The following WDR27 variants were observed in gnomAD, a reference collection of about 807,000 sequenced individuals.
WDR27 encodes WD repeat-containing protein 27.
A neutral mutation model predicts 114.4 loss-of-function variants in WDR27; 100 were observed. The ratio of observed to expected loss-of-function variants is 0.87; its 90% CI spans 0.74 to 1.03. The LOEUF (loss-of-function observed/expected upper bound fraction) is 1.03, where lower values mean the gene tolerates loss of function less well. WDR27 is among the 50% of genes least tolerant of loss of function. WDR27 has a pLI of 0.00. For missense variants in WDR27, 1,129 were observed against 1,092.9 expected, an observed-to-expected ratio of 1.03 and a Z score of -0.47; for synonymous variants, 449 against 423.1, an observed-to-expected ratio of 1.06 and a Z score of -0.75.
chr6:169,607,340 G>A lies in WDR27; in HGVS notation c.2322-5019C>T, dbSNP rs116596668. Among the ~76,000 whole-genome samples the A allele has an allele frequency of 4.5e-3, 688 of 151,806 alleles. 8 individuals are homozygous for A. Among genetic ancestry groups the A allele is most frequent in the African/African-American group, 0.016 (653 of 41,316 alleles). ...TACCAAAGACATGGAATCAATCTAA[G>A]TGCCCATTAACAGGCGACTGAATAA... On this transcript the variant is annotated intron_variant, in intron 22 of 25. Transcript: ENST00000448612.
intron 25 of WDR27, among the ~76,000 whole-genome samples, chr6:169,519,880 T>A (rs1262838876): frequency 1.3e-5 from 2 of 152,028 alleles, no homozygotes; most frequent in Non-Finnish European, 2.9e-5. Flanking sequence ...TTTTCCCCCA[T>A]CTTCTTGACA....
At chr6:169,614,318 T>G (rs1306815767) in intron 21 of WDR27, among the ~76,000 whole-genome samples, 4 of 152,192 alleles carry the variant, frequency 2.6e-5, no homozygotes, top group African/African-American at 9.7e-5. Context: ...TCATGAAGGA[T>G]AGATGTGCCT....
intron 16 of WDR27, among the ~76,000 whole-genome samples, chr6:169,646,107 T>G (rs1192177826): frequency 1.3e-5 from 2 of 152,220 alleles, no homozygotes; most frequent in African/African-American, 4.8e-5. Context: ...GTTAACCTGG[T>G]TCTAAAACAC....
chr6:169,593,856 C>A (rs1413936981), intron 23 of WDR27, among the ~76,000 whole-genome samples: 2 of 61,778 alleles, frequency 3.2e-5, no homozygotes, highest in Admixed American at 1.8e-4. Context: ...CTCAAAAAAA[C>A]AAACAAACAA....
chr6:169,642,253 A>C (rs1490841373), intron 17 of WDR27, among the ~76,000 whole-genome samples: 1 of 152,208 alleles, frequency 6.6e-6, no homozygotes, highest in African/African-American at 2.4e-5. Context: ...TTACACACCC[A>C]AAGTGAAACG....
intron 23 of WDR27, among the ~76,000 whole-genome samples, chr6:169,590,852 G>A (rs1423039358): frequency 4.6e-5 from 7 of 152,200 alleles, no homozygotes; most frequent in South Asian, 4.1e-4. Context: ...ATGCCATTCT[G>A]TGTCTACGCT....
At chr6:169,449,640 C>T in the WDR27 span, among the ~76,000 whole-genome samples, 1 of 152,204 alleles carries the variant, frequency 6.6e-6, no homozygotes, top group Non-Finnish European at 1.5e-5. Context: ...TTTGGCCACC[C>T]TCTTAGTGTC....
intron 19 of WDR27, among the ~76,000 whole-genome samples, chr6:169,635,384 A>G (rs1021920427): frequency 5.3e-5 from 8 of 152,310 alleles, no homozygotes; most frequent in African/African-American, 1.7e-4. Flanking sequence ...ACTCCGTCTC[A>G]AAAACAAACT....
At chr6:169,634,320 C>T (rs534833038) in intron 20 of WDR27, 108 bp downstream of exon 20, 56 of 713,304 alleles carry the variant, frequency 7.9e-5, no homozygotes, top group Admixed American at 5.9e-5. Context: ...CCTGCATTCC[C>T]GGAGCCCCAC....
At chr6:169,646,424 G>A (rs1177135155) in intron 16 of WDR27, among the ~76,000 whole-genome samples, 3 of 152,192 alleles carry the variant, frequency 2.0e-5, no homozygotes, top group Non-Finnish European at 4.4e-5. Flanking sequence ...AAGCAGTTAT[G>A]TTGAAACATT....
intron 16 of WDR27, 177 bp downstream of exon 16, chr6:169,647,596 C>T (rs867449610): frequency 1.3e-4 from 90 of 693,998 alleles, no homozygotes; most frequent in Middle Eastern, 1.2e-3. Context: ...TCACTACAGT[C>T]GAGTGAAACG....
chr6:169,486,207 T>C (rs1175553373), intron 25 of WDR27, among the ~76,000 whole-genome samples: 7 of 151,826 alleles, frequency 4.6e-5, no homozygotes, highest in Non-Finnish European at 1.0e-4. Context: ...GGTGAGGCTA[T>C]GGAGAAAGGG....
intron 23 of WDR27, among the ~76,000 whole-genome samples, chr6:169,591,503 TTTA>T (rs2128154975): frequency 6.6e-6 from 1 of 152,332 alleles, no homozygotes; most frequent in South Asian, 2.1e-4. Flanking sequence ...CAGACAAATG[TTTA>T]ATTATTTTCC....
intron 1 of WDR27, among the ~76,000 whole-genome samples, chr6:169,690,330 C>A (rs979316956): frequency 6.6e-6 from 1 of 152,254 alleles, no homozygotes; most frequent in Non-Finnish European, 1.5e-5. Context: ...TTCTGCTAAC[C>A]CAGCCTCTGC....
In WDR27 at chr6:169,687,419, G is replaced by A. The variant is rs1783287527; in HGVS notation, c.189+1398C>T. ...GACAGATAATCCAATAGAAAAAAAT[G>A]GCAAGAGATTTGAAAACATATATCA... is the stretch of plus-strand genomic sequence containing the variant. On this transcript the variant is annotated intron_variant, in intron 2 of 25. Transcript: ENST00000448612. Among the ~76,000 whole-genome samples the A allele has an allele frequency of 2.6e-5, 4 of 152,040 alleles. 1 individual carries two copies. The Middle Eastern group carries it at 0.014, about 521-fold the overall frequency.
At chr6:169,588,087 A>C (rs925896973) in intron 23 of WDR27, among the ~76,000 whole-genome samples, 2 of 152,194 alleles carry the variant, frequency 1.3e-5, no homozygotes, top group Non-Finnish European at 2.9e-5. Flanking sequence ...TTTTACGGTA[A>C]CACACAATTT....
At chr6:169,699,435 A>G (rs1787221135) in intron 1 of WDR27, among the ~76,000 whole-genome samples, 1 of 152,220 alleles carries the variant, frequency 6.6e-6, no homozygotes, top group African/African-American at 2.4e-5. Context: ...AGGAAGAACG[A>G]CAATGGCATC....
intron 25 of WDR27, among the ~76,000 whole-genome samples, chr6:169,527,388 C>A (rs1795076799): frequency 6.6e-6 from 1 of 151,290 alleles, no homozygotes; most frequent in Non-Finnish European, 1.5e-5. Flanking sequence ...CAAAAGGCCA[C>A]ATATTGTAAC....
At chr6:169,600,589 C>G (rs1807776330) in intron 23 of WDR27, among the ~76,000 whole-genome samples, 1 of 152,156 alleles carries the variant, frequency 6.6e-6, no homozygotes. Flanking sequence ...GAATGGCTAA[C>G]TAGAATTACC....
Sources: gnomAD v4.1 joint callset for allele counts (sites outside exome capture counted in the v4.1 genomes callset) on GRCh38, gnomAD v4.1.1 for gene constraint, MANE v1.5 for transcripts, NCBI Gene and HGNC (gene_info 2026-07-23, HGNC 2026-07-21) for gene names.